NFATC1: variants seen among roughly 807,000 people sequenced by gnomAD.
NFATC1 encodes the protein nuclear factor of activated T-cells, cytoplasmic 1.
In NFATC1, 22 loss-of-function variants were observed where a neutral mutation model predicts 76.0. The ratio of observed to expected loss-of-function variants is 0.29; its 90% confidence interval spans 0.21 to 0.41. The LOEUF (loss-of-function observed/expected upper bound fraction) is 0.41. Ranked by LOEUF, NFATC1 falls within the 10% of genes least tolerant of loss-of-function variation. The pLI, the probability that NFATC1 is intolerant of heterozygous loss-of-function variation, is 1.00. For missense variants in NFATC1, 1,357 were observed against 1,337.7 expected (o/e 1.01, Z -0.23); for synonymous variants, 704 against 613.1 (o/e 1.15, Z -2.19).
chr18:79,495,391 G>C (rs2089852517), intron 9 of NFATC1, among the ~76,000 whole-genome samples: 1 of 152,248 alleles, frequency 6.6e-6, no homozygotes, highest in Non-Finnish European at 1.5e-5. Context: ...TCAGTCTACA[G>C]TCCAATTTTG....
At chr18:79,426,643 A>T (rs55940050) in intron 2 of NFATC1, among the ~76,000 whole-genome samples, 20,402 of 152,198 alleles carry the variant, frequency 0.13, 1,695 homozygotes, top group Non-Finnish European at 0.18. Flanking sequence ...AGTCCTGGGG[A>T]GTGTTGCCGG....
rs577015993 is a variant in NFATC1 at position 79,443,748 on chromosome 18, C to G, written c.1387-5034C>G. ...GGTACGATCGATCCTGGTCCTGTCC[C>G]CCTAGCCCTGGGCGGGTGTCCCGGC... On this transcript the variant is annotated intron_variant, in intron 3 of 9. Transcript: ENST00000427363. 2.6e-5 allele frequency among the ~76,000 whole-genome samples: 4 copies of G among 152,352 alleles called. No homozygotes were observed. In the South Asian group the frequency reaches 8.3e-4, roughly 32 times the overall value.
At chr18:79,511,125 G>A (rs893195146) in intron 9 of NFATC1, among the ~76,000 whole-genome samples, 25 of 152,218 alleles carry the variant, frequency 1.6e-4, no homozygotes, top group African/African-American at 5.8e-4. Flanking sequence ...GAACCTAATG[G>A]CCTTCCTGCC....
At chr18:79,409,097 T>TCATC (rs1288139115) in intron 1 of NFATC1, among the ~76,000 whole-genome samples, 2 of 89,444 alleles carry the variant, frequency 2.2e-5, no homozygotes, top group African/African-American at 3.1e-5. Flanking sequence ...CCATCCATCA[T>TCATC]CATCCATCCA....
rs1394671793 is a variant in NFATC1 at position 79,411,145 on chromosome 18, C to T, written c.870C>T (p.Ser290=). ...HHSPTPSPHG[S]PRVSVTDDSW... Reference sequence around the variant, plus strand: ...CGCCCACGCCGTCCCCGCACGGCTCCCCGCGGGTCAGCGTGACCGACGACT... The same window carrying T: ...CGCCCACGCCGTCCCCGCACGGCTCTCCGCGGGTCAGCGTGACCGACGACT... Residue 290 remains serine (S), a synonymous_variant, in exon 2 of 10, where the codon TCC becomes TCT. Transcript: ENST00000427363. 1.9e-6 allele frequency: 3 copies of T among 1,612,438 alleles called. 1 individual carries two copies.
intron 6 of NFATC1, among the ~76,000 whole-genome samples, chr18:79,454,031 C>T (rs931511753): frequency 6.6e-6 from 1 of 152,180 alleles, no homozygotes; most frequent in Non-Finnish European, 1.5e-5. Context: ...GTTGCCCTCT[C>T]GTTTTCTGAT....
At chr18:79,424,767 GTCTC>G (rs202013940) in intron 2 of NFATC1, among the ~76,000 whole-genome samples, 8 of 141,360 alleles carry the variant, frequency 5.7e-5, no homozygotes, top group South Asian at 2.3e-4. Flanking sequence ...CTGTTTCTCT[GTCTC>G]TCTCTGTCTC....
chr18:79,498,028 G>A (rs903506935), intron 9 of NFATC1: 2 of 147,352 alleles, frequency 1.4e-5, no homozygotes, highest in African/African-American at 2.5e-5. Flanking sequence ...CCAAGGAGAG[G>A]GGAAGCCGAG....
intron 9 of NFATC1, among the ~76,000 whole-genome samples, chr18:79,525,964 C>G (rs1376904755): frequency 1.3e-5 from 2 of 152,270 alleles, no homozygotes; most frequent in Non-Finnish European, 2.9e-5. Flanking sequence ...CACAGCAGGG[C>G]ACGGAGCTCC....
intron 4 of NFATC1, among the ~76,000 whole-genome samples, chr18:79,450,027 GCA>G (rs1192574217): frequency 3.9e-5 from 6 of 152,166 alleles, no homozygotes; most frequent in African/African-American, 1.4e-4. Context: ...CGCAGACAGG[GCA>G]CAGTCAGGTG....
At chr18:79,405,283 C>G (rs937522212) in intron 1 of NFATC1, among the ~76,000 whole-genome samples, 9 of 152,238 alleles carry the variant, frequency 5.9e-5, no homozygotes, top group Non-Finnish European at 1.3e-4. Flanking sequence ...TCCCTGCTCA[C>G]CTGCACTGTC....
chr18:79,398,977 G>T lies in NFATC1; in HGVS notation c.127+2626G>T, dbSNP rs1053110761. On this transcript the variant is annotated intron_variant, in intron 1 of 9. Coordinates refer to ENST00000427363, the MANE Select transcript of NFATC1 (RefSeq NM_001278669.2). ...AGCTACTCTGGAGGCTGAGGCAGGA[G>T]AATCGCTTGAACTCGGAAGGCGGAG... Among the ~76,000 whole-genome samples, 3 of 152,258 alleles carry T rather than the reference G, an allele frequency of 2.0e-5. No individual in the cohort carries two copies. The East Asian group carries it at 5.8e-4, about 29-fold the overall frequency.
chr18:79,445,266 C>G (rs1190329782), intron 3 of NFATC1, among the ~76,000 whole-genome samples: 2 of 152,208 alleles, frequency 1.3e-5, no homozygotes, highest in African/African-American at 4.8e-5. Flanking sequence ...TAAGGTGGGC[C>G]TCGTTCCTGC....
intron 9 of NFATC1, among the ~76,000 whole-genome samples, chr18:79,520,050 G>A (rs577685405): frequency 6.6e-6 from 1 of 152,196 alleles, no homozygotes; most frequent in African/African-American, 2.4e-5. Flanking sequence ...ACCAGGAGAG[G>A]GGGCGTTTTG....
At chr18:79,504,733 A>G (rs981744839) in intron 9 of NFATC1, among the ~76,000 whole-genome samples, 4 of 152,242 alleles carry the variant, frequency 2.6e-5, no homozygotes, top group Non-Finnish European at 4.4e-5. Flanking sequence ...CCTGCAAGAC[A>G]TCCACAAAAG....
intron 4 of NFATC1, among the ~76,000 whole-genome samples, chr18:79,450,752 A>G (rs949719734): frequency 2.0e-5 from 3 of 152,134 alleles, no homozygotes. Flanking sequence ...GCCTGCGCCA[A>G]TGTCAGATTC....
chr18:79,398,161 T>G (rs900252295), intron 1 of NFATC1, among the ~76,000 whole-genome samples: 1 of 152,174 alleles, frequency 6.6e-6, no homozygotes, highest in Non-Finnish European at 1.5e-5. Context: ...TCATTAGGCG[T>G]CGTGGTTCCT....
intron 3 of NFATC1, among the ~76,000 whole-genome samples, chr18:79,437,333 CAG>C (rs1423090926): frequency 5.3e-5 from 8 of 152,340 alleles, no homozygotes; most frequent in African/African-American, 1.7e-4. Flanking sequence ...GTGACTCAGA[CAG>C]AGCCTCCCAG....
At chr18:79,512,977 T>C (rs2090294231) in intron 9 of NFATC1, among the ~76,000 whole-genome samples, 1 of 152,264 alleles carries the variant, frequency 6.6e-6, no homozygotes, top group Admixed American at 6.5e-5. Flanking sequence ...ACCTGGCTCA[T>C]GTGCCTATAA....
Sources: allele counts gnomAD v4.1 joint callset (sites outside exome capture counted in the v4.1 genomes callset), GRCh38; gene constraint gnomAD v4.1.1; transcripts MANE v1.5; gene names NCBI Gene and HGNC (gene_info 2026-07-23, HGNC 2026-07-21).